RYR2: variants seen among roughly 807,000 people sequenced by gnomAD.
The protein encoded by RYR2 is ryanodine receptor 2.
In RYR2, 227 loss-of-function variants were observed where a neutral mutation model predicts 601.1. That is an observed-to-expected ratio of 0.38 (90% CI 0.34 to 0.42). The LOEUF (loss-of-function observed/expected upper bound fraction) is 0.42, where lower values mean the gene tolerates loss of function less well. RYR2 is among the 10% of genes least tolerant of loss of function. The pLI is 1.00. For missense variants in RYR2, 4,646 were observed against 6,156.5 expected, an observed-to-expected ratio of 0.75 and a Z score of 8.21; for synonymous variants, 2,223 against 2,175.1, an observed-to-expected ratio of 1.02 and a Z score of -0.61.
chr1:237,160,229 G>A (rs565540137), intron 1 of RYR2, among the ~76,000 whole-genome samples: 14 of 152,240 alleles, frequency 9.2e-5, no homozygotes, highest in Admixed American at 1.3e-4. Flanking sequence ...TTTGTATTTC[G>A]TTAGGATCTG....
chr1:237,099,366 T>C (rs1209058308), intron 1 of RYR2, among the ~76,000 whole-genome samples: 1 of 152,108 alleles, frequency 6.6e-6, no homozygotes, highest in East Asian at 1.9e-4. Flanking sequence ...GCCTCCCAAG[T>C]AGCTGGGACC....
At chr1:237,314,536 G>C (rs532206008) in intron 2 of RYR2, among the ~76,000 whole-genome samples, 2 of 152,272 alleles carry the variant, frequency 1.3e-5, no homozygotes, top group African/African-American at 4.8e-5. Context: ...ATCTGAATTT[G>C]TATATGCTAT....
intron 1 of RYR2, among the ~76,000 whole-genome samples, chr1:237,097,793 C>T (rs544941574): frequency 5.9e-5 from 9 of 152,250 alleles, no homozygotes; most frequent in Admixed American, 1.3e-4. Flanking sequence ...ATTCCCAGTC[C>T]GTGTCACCCC....
intron 1 of RYR2, among the ~76,000 whole-genome samples, chr1:237,091,456 G>A (rs1440030007): frequency 6.6e-6 from 1 of 151,290 alleles, no homozygotes; most frequent in Non-Finnish European, 1.5e-5. Context: ...ATAGGGTCTT[G>A]CCCCATTGCC....
At position 237,667,086 on chromosome 1, in the gene RYR2, T is replaced by A. The variant is rs1051439700; in HGVS notation, c.8514+497T>A. 1.3e-5 allele frequency among the ~76,000 whole-genome samples: 2 copies of A among 152,310 alleles called. 1 individual carries two copies. Among genetic ancestry groups the A allele is most frequent in the Non-Finnish European group, 2.9e-5 (2 of 68,020 alleles). On this transcript the variant is annotated intron_variant, in intron 57 of 104. Coordinates refer to ENST00000366574, the MANE Select transcript of RYR2 (RefSeq NM_001035.3). ...TTCTTTTAAGTTTTTCCAGAGACATTGATTGCATTTGCTTGCTCCATTCAT... is the reference window on the plus strand; with the variant it reads ...TTCTTTTAAGTTTTTCCAGAGACATAGATTGCATTTGCTTGCTCCATTCAT...
intron 2 of RYR2, among the ~76,000 whole-genome samples, chr1:237,313,298 T>C (rs1694758790): frequency 6.6e-6 from 1 of 152,172 alleles, no homozygotes; most frequent in African/African-American, 2.4e-5. Flanking sequence ...TGTTGCCTTA[T>C]ATGACAAAAG....
intron 1 of RYR2, among the ~76,000 whole-genome samples, chr1:237,094,606 G>C (rs952369777): frequency 1.3e-5 from 2 of 151,982 alleles, no homozygotes; most frequent in Non-Finnish European, 2.9e-5. Flanking sequence ...ACGGAGTCTC[G>C]CTCTGTCGCC....
At chr1:237,097,167 C>A (rs1239966048) in intron 1 of RYR2, among the ~76,000 whole-genome samples, 1 of 152,140 alleles carries the variant, frequency 6.6e-6, no homozygotes, top group Non-Finnish European at 1.5e-5. Context: ...AGTACAGGAT[C>A]CAAACTATGT....
At chr1:237,448,775 T>C (rs1001133235) in intron 14 of RYR2, among the ~76,000 whole-genome samples, 2 of 152,148 alleles carry the variant, frequency 1.3e-5, no homozygotes, top group African/African-American at 2.4e-5. Context: ...ACATGTACTT[T>C]GTATAATATG....
chr1:237,512,838 T>TC (rs1226213370), intron 24 of RYR2, among the ~76,000 whole-genome samples: 1 of 152,084 alleles, frequency 6.6e-6, no homozygotes, highest in Non-Finnish European at 1.5e-5. Context: ...GCCACTGCAC[T>TC]CCAGCCTGGA....
intron 1 of RYR2, among the ~76,000 whole-genome samples, chr1:237,257,089 A>C (rs1225671573): frequency 2.0e-5 from 3 of 152,216 alleles, no homozygotes; most frequent in African/African-American, 7.2e-5. Flanking sequence ...CTACTATCTA[A>C]AGATATTTGG....
At chr1:237,481,752 A>C (rs1297721888) in intron 17 of RYR2, among the ~76,000 whole-genome samples, 2 of 147,526 alleles carry the variant, frequency 1.4e-5, no homozygotes, top group Non-Finnish European at 3.0e-5. Context: ...GATACAAATT[A>C]CTGCTTTTAC....
chr1:237,610,846 T>C lies in RYR2; in HGVS notation c.4768T>C (p.Phe1590Leu), dbSNP rs1677772903. ...GTGCCCCCCGCGCCTCCACGTGCAG[T>C]TCCTGTCACACGTCCTGTGGAGCAG... The part of the protein sequence containing the change: ...PQCPPRLHVQ[F>L]LSHVLWSRMP... The change falls in exon 36 of 105, where the codon TTC becomes CTC. Residue 1590 changes from phenylalanine to leucine, a missense_variant. By Grantham distance (22) the Phe-to-Leu change is conservative (BLOSUM62 0). Around this residue, in one of 17 missense-constraint regions of RYR2, gnomAD observed 1,807 missense variants for 2,088.1 expected, o/e 0.87. Coordinates refer to ENST00000366574, the MANE Select transcript of RYR2 (RefSeq NM_001035.3). This position sits in a 1 kb window ranked among gnomAD's most constrained non-coding sequence, Gnocchi z 4.9. 1 of 1,613,390 alleles carries C rather than the reference T, an allele frequency of 6.2e-7. No individual in the cohort carries two copies. Among genetic ancestry groups the C allele is most frequent in the Non-Finnish European group, 8.5e-7 (1 of 1,179,706 alleles).
chr1:237,719,733 A>G (rs1025242460), intron 73 of RYR2, among the ~76,000 whole-genome samples: 3 of 151,150 alleles, frequency 2.0e-5, no homozygotes, highest in African/African-American at 4.9e-5. Flanking sequence ...GTTTTGCCCC[A>G]TGATCAACTC....
chr1:237,170,120 GA>G (rs1193033202), intron 1 of RYR2, among the ~76,000 whole-genome samples: 1 of 150,636 alleles, frequency 6.6e-6, no homozygotes, highest in Non-Finnish European at 1.5e-5. Context: ...TTGTTGTAAA[GA>G]AAAAAAAGAA....
intron 11 of RYR2, among the ~76,000 whole-genome samples, chr1:237,417,557 G>A (rs1401804929): frequency 1.3e-5 from 2 of 152,122 alleles, no homozygotes; most frequent in African/African-American, 2.4e-5. Context: ...CAGGAAACTT[G>A]AACATGAGCG....
intron 35 of RYR2, among the ~76,000 whole-genome samples, chr1:237,604,385 A>G (rs1194404625): frequency 7.9e-5 from 12 of 152,212 alleles, no homozygotes; most frequent in Admixed American, 5.9e-4. Flanking sequence ...GAGAACAAAG[A>G]CACAACATAC....
Position 237,590,819 on chromosome 1 carries a change from G to A in RYR2, c.3987G>A (p.Gly1329=), listed in dbSNP as rs775470259. The part of the protein sequence containing the change: ...AGGLPGAGLF[G]PKNDLEDYDA... ...GGCTCCCTGGGGCTGGCCTTTTTGG[G>A]CCCAAGAATGACTTGGAAGATTATG... The change falls in exon 31 of 105, where the codon GGG becomes GGA. Residue 1329 remains glycine, a synonymous_variant. Transcript: ENST00000366574. The A allele has an allele frequency of 1.7e-5, 28 of 1,613,684 alleles. No homozygotes were observed. Among genetic ancestry groups the A allele is most frequent in the South Asian group, 2.2e-5 (2 of 91,074 alleles).
At chr1:237,460,840 A>G (rs941845822) in intron 16 of RYR2, among the ~76,000 whole-genome samples, 1 of 152,172 alleles carries the variant, frequency 6.6e-6, no homozygotes, top group African/African-American at 2.4e-5. Flanking sequence ...GGTGGCTTAA[A>G]TGTTATAATA....
Sources: allele counts gnomAD v4.1 joint callset (sites outside exome capture counted in the v4.1 genomes callset), GRCh38; gene constraint gnomAD v4.1.1; regional missense constraint gnomAD v4.1.1; non-coding constraint Gnocchi (gnomAD v3.1); transcripts MANE v1.5; gene names NCBI Gene and HGNC (gene_info 2026-07-23, HGNC 2026-07-21).